The following OTOGL variants were observed in gnomAD, a reference collection of about 807,000 sequenced individuals.
OTOGL encodes otogelin like.
A neutral mutation model predicts 318.5 loss-of-function variants in OTOGL; 285 were observed. That is an observed-to-expected ratio of 0.89 (90% CI 0.81 to 0.99). The LOEUF (loss-of-function observed/expected upper bound fraction) is 0.99, where lower values mean the gene tolerates loss of function less well. OTOGL is among the 50% of genes least tolerant of loss of function. OTOGL has a pLI of 0.00. For missense variants in OTOGL, 2,899 were observed against 2,845.6 expected, an observed-to-expected ratio of 1.02 and a Z score of -0.43; for synonymous variants, 987 against 936.5, an observed-to-expected ratio of 1.05 and a Z score of -0.99.
intron 24 of OTOGL, among the ~76,000 whole-genome samples, chr12:80,276,851 G>C (rs1002574311): frequency 6.6e-6 from 1 of 151,612 alleles, no homozygotes; most frequent in Non-Finnish European, 1.5e-5. Context: ...GAAGCTGAAA[G>C]TCTAGTGGAC....
chr12:80,283,890 G>T (rs1297734654), intron 26 of OTOGL, among the ~76,000 whole-genome samples: 1 of 151,882 alleles, frequency 6.6e-6, no homozygotes, highest in African/African-American at 2.4e-5. Context: ...TTTAAGTTCT[G>T]GGGTACATGT....
rs1484240488 is a variant in OTOGL, at chr12:80,358,365, C to T, written c.6121+16C>T. On this transcript the variant is annotated intron_variant, in intron 50 of 58. Coordinates refer to ENST00000547103, the MANE Select transcript of OTOGL (RefSeq NM_001378609.3). ...TATTACTGTGGTAAGTGTATATTAA[C>T]TATTCTAAAATATTTAGATGTGTCC... 18 of 1,535,288 alleles carry T rather than the reference C, an allele frequency of 1.2e-5. No individual in the cohort carries two copies. The highest frequency in any genetic ancestry group is 1.5e-5 in the Non-Finnish European group (17 of 1,118,120).
rs1881855134 is a variant in OTOGL, at chr12:80,254,534, G to A, written c.1405G>A (p.Gly469Ser). The change falls in exon 15 of 59, where the codon GGT becomes AGT. Residue 469 changes from glycine to serine, a missense_variant. Transcript: ENST00000547103. ...TATAATTTCTTTTAGTGTGTGTGTTGGTGGAGTTTGGAACTGCACTGAGCA... is the reference window on the plus strand; with the variant it reads ...TATAATTTCTTTTAGTGTGTGTGTTAGTGGAGTTTGGAACTGCACTGAGCA... ...EQECTECVCVGGVWNCTEQDC... is the reference protein window; with the variant it reads ...EQECTECVCVSGVWNCTEQDC... 5 of 1,606,954 alleles carry A rather than the reference G, an allele frequency of 3.1e-6. No individual in the cohort carries two copies. The South Asian group carries it at 4.4e-5, about 14-fold the overall frequency.
chr12:80,254,011 C>T (rs1342202781), intron 14 of OTOGL, among the ~76,000 whole-genome samples: 2 of 152,068 alleles, frequency 1.3e-5, no homozygotes, highest in East Asian at 3.9e-4. Flanking sequence ...GCAGGACAGT[C>T]CTAAAAAGAA....
intron 11 of OTOGL, among the ~76,000 whole-genome samples, chr12:80,249,442 C>T (rs941644304): frequency 1.2e-4 from 18 of 151,324 alleles, no homozygotes; most frequent in Non-Finnish European, 2.2e-4. Context: ...TGTCAGTGTG[C>T]CCCTGCTGGG....
At chr12:80,292,664 G>A (rs527638636) in intron 26 of OTOGL, among the ~76,000 whole-genome samples, 11 of 152,236 alleles carry the variant, frequency 7.2e-5, no homozygotes, top group East Asian at 1.9e-4. Flanking sequence ...GACTAGCCAC[G>A]GTTAAAGACA....
At chr12:80,108,989 T>A (rs535956588) in intron 1 of OTOGL, among the ~76,000 whole-genome samples, 108 of 148,852 alleles carry the variant, frequency 7.3e-4, no homozygotes, top group Non-Finnish European at 1.4e-3. Context: ...TTATCATTAT[T>A]CTTTGCTCAA....
intron 1 of OTOGL, among the ~76,000 whole-genome samples, chr12:80,106,701 T>C (rs1029675900): frequency 1.3e-5 from 2 of 152,168 alleles, no homozygotes; most frequent in African/African-American, 4.8e-5. Flanking sequence ...TGGATTGCAT[T>C]CTTCCATCTT....
At chr12:80,287,907 A>C (rs1884757130) in intron 26 of OTOGL, among the ~76,000 whole-genome samples, 1 of 152,100 alleles carries the variant, frequency 6.6e-6, no homozygotes, top group Non-Finnish European at 1.5e-5. Flanking sequence ...ATTTAAGGTT[A>C]ATATTTTTAG....
chr12:80,340,062 G>A (rs1243434634), intron 43 of OTOGL, among the ~76,000 whole-genome samples: 1 of 152,058 alleles, frequency 6.6e-6, no homozygotes, highest in Non-Finnish European at 1.5e-5. Context: ...GAAAGTTAAT[G>A]TAAACACAAC....
intron 1 of OTOGL, among the ~76,000 whole-genome samples, chr12:80,159,807 A>G (rs1041063027): frequency 1.3e-5 from 2 of 152,170 alleles, no homozygotes; most frequent in African/African-American, 2.4e-5. Context: ...GACTAAGCAA[A>G]AAGAACAAAT....
chr12:80,198,173 G>C (rs1387871467), intron 1 of OTOGL, among the ~76,000 whole-genome samples: 2 of 152,234 alleles, frequency 1.3e-5, no homozygotes, highest in Non-Finnish European at 2.9e-5. Context: ...CTCACCCCCT[G>C]GAGTAGAAGC....
At chr12:80,194,161 A>T (rs1875885063) in intron 1 of OTOGL, among the ~76,000 whole-genome samples, 1 of 152,214 alleles carries the variant, frequency 6.6e-6, no homozygotes, top group African/African-American at 2.4e-5. Context: ...CATGTGACCT[A>T]GTCAGGCACT....
chr12:80,259,734 A>G lies in OTOGL; in HGVS notation c.1889+1732A>G, dbSNP rs140706257. ...AACTCATTCTTTTTCATGGCTGCAT[A>G]GTACCACATTTTCTTTATCCAGTCT... On this transcript the variant is annotated intron_variant, in intron 18 of 58. Coordinates refer to ENST00000547103, the MANE Select transcript of OTOGL (RefSeq NM_001378609.3). 5.4e-4 allele frequency among the ~76,000 whole-genome samples: 82 copies of G among 152,210 alleles called. No homozygotes were observed. The East Asian group carries it at 0.013, about 24-fold the overall frequency.
At position 80,252,282 on chromosome 12, in the gene OTOGL, T is replaced by C; in HGVS notation, c.1285+81T>C. 25 of 1,416,948 alleles carry C rather than the reference T, an allele frequency of 1.8e-5. No homozygotes were observed. The South Asian group carries it at 3.7e-4, about 21-fold the overall frequency. The allele number at this position is 1,416,948 out of a possible 1,614,324, so 87.8% of individuals were successfully genotyped here. A position where few individuals can be genotyped will look rare whatever the true frequency, so the allele number is the denominator to read the frequency against. On this transcript the variant is annotated intron_variant, in intron 13 of 58. Transcript: ENST00000547103. The stretch of plus-strand genomic sequence containing the variant: ...TCTAAGGATCACATCTTCGTTTTGC[T>C]GTCCTTTCCCAGTACATTGGACCTA...
intron 42 of OTOGL, among the ~76,000 whole-genome samples, chr12:80,337,689 T>A (rs1288280435): frequency 1.3e-5 from 2 of 151,216 alleles, no homozygotes; most frequent in Non-Finnish European, 3.0e-5. Context: ...GAAAAAAAAA[T>A]GTGTAAAGAT....
At chr12:80,247,407 T>G (rs1446048323) in intron 11 of OTOGL, among the ~76,000 whole-genome samples, 3 of 108,776 alleles carry the variant, frequency 2.8e-5, no homozygotes, top group Non-Finnish European at 5.3e-5. Flanking sequence ...ATTTCTGCCT[T>G]CATTTCGTTA....
At chr12:80,131,936 G>T (rs1871265199) in intron 1 of OTOGL, 1 of 152,192 alleles carries the variant, frequency 6.6e-6, no homozygotes, top group Non-Finnish European at 1.5e-5. Context: ...TAAGTAGCAA[G>T]AATAGAGTTT....
chr12:80,154,524 C>G (rs1872997634), intron 1 of OTOGL, among the ~76,000 whole-genome samples: 2 of 152,136 alleles, frequency 1.3e-5, no homozygotes, highest in Admixed American at 1.3e-4. Flanking sequence ...CCCCTTTGCA[C>G]TCCCTCTTTG....
Sources: gnomAD v4.1 joint callset for allele counts (sites outside exome capture counted in the v4.1 genomes callset) on GRCh38, gnomAD v4.1.1 for gene constraint, MANE v1.5 for transcripts, NCBI Gene and HGNC (gene_info 2026-07-23, HGNC 2026-07-21) for gene names.